ZC2HC1A: variants seen among roughly 807,000 people sequenced by gnomAD.
ZC2HC1A encodes the protein zinc finger C2HC domain-containing protein 1A.
ZC2HC1A carries 28 observed loss-of-function variants against 40.7 expected under a neutral mutation model. That is an observed-to-expected ratio of 0.69 (90% CI 0.51 to 0.94). ZC2HC1A has a LOEUF of 0.94. Among genes scored for constraint, ZC2HC1A ranks in the 40% least tolerant of loss-of-function variants. The probability of loss-of-function intolerance (pLI) is 0.00; values close to 1 mark genes in which losing one functional copy is unlikely to be tolerated. For synonymous variants in ZC2HC1A, 129 were observed against 129.2 expected, an observed-to-expected ratio of 1.00 and a Z score of 0.01; for missense variants, 389 against 386.3, an observed-to-expected ratio of 1.01 and a Z score of -0.06.
Position 78,689,323 on chromosome 8 carries a change from G to A in ZC2HC1A, c.454G>A (p.Gly152Arg). ...KEQAARISNK[G>R]KFSTDTKGKP... ...ACAGGCAGCACGTATTAGTAATAAA[G>A]GGAAATTTTCTACAGATACCAAAGG... is the stretch of plus-strand genomic sequence containing the variant. The change falls in exon 5 of 9, where the codon GGG becomes AGG. Residue 152 changes from glycine (G) to arginine (R), a missense_variant. By Grantham distance (125) the Gly-to-Arg change is moderately radical. Transcript: ENST00000263849. The A allele has an allele frequency of 6.2e-7, 1 of 1,603,334 alleles. No individual in the cohort carries two copies. Among genetic ancestry groups the A allele is most frequent in the Non-Finnish European group, 8.5e-7 (1 of 1,175,076 alleles).
At chr8:78,687,931 C>A (rs1408739505) in intron 4 of ZC2HC1A, among the ~76,000 whole-genome samples, 1 of 137,392 alleles carries the variant, frequency 7.3e-6, no homozygotes, top group Admixed American at 7.7e-5. Flanking sequence ...TTATTTATAT[C>A]TATATTTTTA....
chr8:78,669,751 T>C (rs929537350), intron 1 of ZC2HC1A, among the ~76,000 whole-genome samples: 2 of 152,202 alleles, frequency 1.3e-5, no homozygotes, highest in African/African-American at 4.8e-5. Context: ...CCTTACTTTG[T>C]TCTACCTTCA....
intron 4 of ZC2HC1A, among the ~76,000 whole-genome samples, chr8:78,687,474 T>A (rs948827436): frequency 6.9e-6 from 1 of 144,940 alleles, no homozygotes; most frequent in Non-Finnish European, 1.5e-5. Flanking sequence ...ATATATATAT[T>A]TATATATAAT....
In ZC2HC1A at chr8:78,698,848, C is replaced by T. The variant is rs189642857; in HGVS notation, c.704+335C>T. On this transcript the variant is annotated intron_variant, in intron 7 of 8. Coordinates refer to ENST00000263849, the MANE Select transcript of ZC2HC1A (RefSeq NM_016010.3). ...ACTATGTATCAGGCACTGTGCTAGA[C>T]ATTTTGCATATATTTTTGTTAAAAC... 4.6e-5 allele frequency among the ~76,000 whole-genome samples: 7 copies of T among 152,198 alleles called. No individual in the cohort carries two copies. In the East Asian group the frequency reaches 1.4e-3, roughly 29 times the overall value.
intron 7 of ZC2HC1A, among the ~76,000 whole-genome samples, chr8:78,707,256 T>G (rs1810802023): frequency 6.6e-6 from 1 of 152,256 alleles, no homozygotes; most frequent in Non-Finnish European, 1.5e-5. Flanking sequence ...ATTTCTATAG[T>G]ACTGGCAATT....
At chr8:78,713,452 G>A (rs142858523) in intron 7 of ZC2HC1A, among the ~76,000 whole-genome samples, 2 of 150,038 alleles carry the variant, frequency 1.3e-5, no homozygotes, top group African/African-American at 4.9e-5. Flanking sequence ...CACTTAAGAC[G>A]ATTCTATAGC....
intron 5 of ZC2HC1A, among the ~76,000 whole-genome samples, chr8:78,693,367 A>G (rs1421261548): frequency 2.0e-5 from 3 of 151,910 alleles, no homozygotes; most frequent in Non-Finnish European, 2.9e-5. Context: ...AAGTGTTCCT[A>G]TTTCTCCACA....
At chr8:78,696,320 C>T (rs564651313) in intron 5 of ZC2HC1A, among the ~76,000 whole-genome samples, 1 of 152,310 alleles carries the variant, frequency 6.6e-6, no homozygotes, top group African/African-American at 2.4e-5. Flanking sequence ...AGGCATGAGC[C>T]ACCGTGCCCA....
chr8:78,695,110 T>C (rs1444014942), intron 5 of ZC2HC1A, among the ~76,000 whole-genome samples: 2 of 152,082 alleles, frequency 1.3e-5, no homozygotes, highest in African/African-American at 4.8e-5. Flanking sequence ...GGGAGGTGAA[T>C]AATGTTTTAA....
chr8:78,691,562 T>C (rs1278108370), intron 5 of ZC2HC1A, among the ~76,000 whole-genome samples: 1 of 152,152 alleles, frequency 6.6e-6, no homozygotes, highest in Non-Finnish European at 1.5e-5. Flanking sequence ...TTGCCTGTCA[T>C]TTACATTTGG....
At chr8:78,697,269 TCAC>T (rs1810452313) in intron 5 of ZC2HC1A, 135 bp from the exon 6 acceptor site, 3 of 645,382 alleles carry the variant, frequency 4.6e-6, no homozygotes, top group South Asian at 4.6e-5. Context: ...GCAACCATCA[TCAC>T]CATTCATTTC....
chr8:78,675,237 T>C (rs924277714), intron 1 of ZC2HC1A, among the ~76,000 whole-genome samples: 1 of 151,812 alleles, frequency 6.6e-6, no homozygotes, highest in East Asian at 1.9e-4. Context: ...TTAATATAAG[T>C]ATTATATGTA....
chr8:78,713,989 C>T (rs1206255545), intron 7 of ZC2HC1A, among the ~76,000 whole-genome samples: 1 of 152,118 alleles, frequency 6.6e-6, no homozygotes. Flanking sequence ...CAGCTATTTA[C>T]AATTTTAGGG....
At chr8:78,669,743 T>C (rs981838465) in intron 1 of ZC2HC1A, among the ~76,000 whole-genome samples, 1 of 152,206 alleles carries the variant, frequency 6.6e-6, no homozygotes, top group African/African-American at 2.4e-5. Flanking sequence ...TCTTCTCCCC[T>C]TACTTTGTTC....
chr8:78,682,241 C>T (rs1488782468), intron 3 of ZC2HC1A, among the ~76,000 whole-genome samples: 1 of 152,074 alleles, frequency 6.6e-6, no homozygotes, highest in Admixed American at 6.6e-5. Flanking sequence ...TAAACTGTAA[C>T]CAATACCATA....
rs1563626738 is a variant in ZC2HC1A at position 78,687,636 on chromosome 8, A to ATATATATATTTACGTAATACAT, written c.352+1082_352+1103dup. Among the ~76,000 whole-genome samples, 7 of 129,966 alleles carry ATATATATATTTACGTAATACAT rather than the reference A, an allele frequency of 5.4e-5. 2 individuals are homozygous for ATATATATATTTACGTAATACAT. The South Asian group carries it at 9.4e-4, about 18-fold the overall frequency. The allele number at this position is 129,966 out of a possible 152,430, so 85.3% of individuals were successfully genotyped here. ...ATTATATATATTTACGTAATACATTATATATATATTTACGTAATACATTAT... is the reference window on the plus strand; with the variant it reads ...ATTATATATATTTACGTAATACATTATATATATATTTACGTAATACATTATATATATTTACGTAATACATTAT... On this transcript the variant is annotated intron_variant, in intron 4 of 8. Coordinates refer to ENST00000263849, the MANE Select transcript of ZC2HC1A (RefSeq NM_016010.3).
intron 1 of ZC2HC1A, among the ~76,000 whole-genome samples, chr8:78,672,683 A>G (rs1374814522): frequency 6.6e-6 from 1 of 152,138 alleles, no homozygotes; most frequent in African/African-American, 2.4e-5. Flanking sequence ...CATATTTCCA[A>G]CTAATCAGCT....
At chr8:78,686,967 C>T (rs1178948059) in intron 4 of ZC2HC1A, among the ~76,000 whole-genome samples, 1 of 151,902 alleles carries the variant, frequency 6.6e-6, no homozygotes, top group African/African-American at 2.4e-5. Context: ...ATTATGTTGC[C>T]TGGTTCCTTG....
chr8:78,712,180 T>A, intron 7 of ZC2HC1A: 1 of 811,420 alleles, frequency 1.2e-6, no homozygotes, highest in Non-Finnish European at 1.7e-6. Flanking sequence ...TGGAATAACA[T>A]AACTTTTACT....
Sources: gnomAD v4.1 joint callset for allele counts (sites outside exome capture counted in the v4.1 genomes callset) on GRCh38, gnomAD v4.1.1 for gene constraint, MANE v1.5 for transcripts, NCBI Gene and HGNC (gene_info 2026-07-23, HGNC 2026-07-21) for gene names.